NLGN2: variants seen among roughly 807,000 people sequenced by gnomAD.
NLGN2 encodes neuroligin-2.
A neutral mutation model predicts 48.6 loss-of-function variants in NLGN2; 11 were observed. That is an observed-to-expected ratio of 0.23 (90% CI 0.14 to 0.37). NLGN2 has a LOEUF of 0.37. Among genes scored for constraint, NLGN2 ranks in the 10% least tolerant of loss-of-function variants. The probability of loss-of-function intolerance (pLI) is 1.00; values close to 1 mark genes in which losing one functional copy is unlikely to be tolerated. For synonymous variants in NLGN2, 548 were observed against 550.0 expected, an observed-to-expected ratio of 1.00 and a Z score of 0.05; for missense variants, 801 against 1,225.2, an observed-to-expected ratio of 0.65 and a Z score of 5.17.
At position 7,417,368 on chromosome 17, in the gene NLGN2, G is replaced by A; in HGVS notation, c.2077G>A (p.Ala693Thr). 6.2e-7 allele frequency: 1 copy of A among 1,611,274 alleles called. No homozygotes were observed. Among genetic ancestry groups the A allele is most frequent in the Non-Finnish European group, 8.5e-7 (1 of 1,179,102 alleles). ...CTCCCTCCTCTTCCTCAACATCCTGGCCTTTGCTGCCCTCTACTACAAGCG... is the reference window on the plus strand; with the variant it reads ...CTCCCTCCTCTTCCTCAACATCCTGACCTTTGCTGCCCTCTACTACAAGCG... ...GASLLFLNIL[A>T]FAALYYKRDR... The change falls in exon 7 of 7, where the codon GCC becomes ACC. Residue 693 changes from alanine to threonine, a missense_variant. By Grantham distance (58) the Ala-to-Thr change is moderately conservative (BLOSUM62 0). Around this residue, in one of 5 missense-constraint regions of NLGN2, gnomAD observed 276 missense variants for 313.9 expected, o/e 0.88. Coordinates refer to ENST00000302926, the MANE Select transcript of NLGN2 (RefSeq NM_020795.4).
Position 7,413,090 on chromosome 17 carries a change from A to C in NLGN2, c.508+883A>C, listed in dbSNP as rs965718624. On this transcript the variant is annotated intron_variant, in intron 2 of 6. Transcript: ENST00000302926. The surrounding 1 kb of genome is among the most constrained non-coding windows in gnomAD (Gnocchi z 4.9). Reference sequence around the variant, plus strand: ...TGGAGGGAAGGAGATTCCGGCCTGAAAGTGCTGGGAGGTCACTTGAGGTTC... The same window carrying C: ...TGGAGGGAAGGAGATTCCGGCCTGACAGTGCTGGGAGGTCACTTGAGGTTC... 4.0e-4 allele frequency among the ~76,000 whole-genome samples: 61 copies of C among 152,176 alleles called. No individual in the cohort carries two copies. Among genetic ancestry groups the C allele is most frequent in the Non-Finnish European group, 1.0e-4 (7 of 68,022 alleles).
rs796140790 is a variant in NLGN2 at position 7,413,225 on chromosome 17, G to A, written c.508+1018G>A. The stretch of plus-strand genomic sequence containing the variant: ...ATGGGGGCTGCACAGGGGGTCTTAG[G>A]GATGGGAGGCAGGAAGCTGTCTGTG... On this transcript the variant is annotated intron_variant, in intron 2 of 6. Transcript: ENST00000302926. The surrounding 1 kb of genome is among the most constrained non-coding windows in gnomAD (Gnocchi z 4.9). 6.6e-6 allele frequency among the ~76,000 whole-genome samples: 1 copy of A among 152,342 alleles called. No individual in the cohort carries two copies. Among genetic ancestry groups the A allele is most frequent in the African/African-American group, 2.4e-5 (1 of 41,588 alleles).
upstream of NLGN2, among the ~76,000 whole-genome samples, chr17:7,405,918 G>A (rs1038310663): frequency 2.0e-5 from 3 of 152,240 alleles, no homozygotes. The surrounding 1 kb of genome is among the most constrained non-coding windows in gnomAD (Gnocchi z 6.8). Flanking sequence ...CTGAGCCCCC[G>A]TCCCTCAACT....
At position 7,408,575 on chromosome 17, in the gene NLGN2, C is replaced by T; in HGVS notation, c.320C>T (p.Pro107Leu). The change falls in exon 1 of 7, where the codon CCG (proline) becomes CTG (leucine). Residue 107 changes from proline to leucine, a missense_variant. This residue lies in a region of NLGN2 where 164 missense variants were observed against 186.2 expected (regional missense o/e 0.88). Coordinates refer to ENST00000302926, the MANE Select transcript of NLGN2 (RefSeq NM_020795.4). This position sits in a 1 kb window ranked among gnomAD's most constrained non-coding sequence, Gnocchi z 7.5. ...RNATTLPPAC[P>L]QNLHGALPAI... is the part of the protein sequence containing the mutation. ...GCCACCACCCTGCCGCCCGCCTGCCCGCAGAACCTGCACGGGGCGCTGCCC... is the reference window on the plus strand; with the variant it reads ...GCCACCACCCTGCCGCCCGCCTGCCTGCAGAACCTGCACGGGGCGCTGCCC... 1 of 1,560,592 alleles carries T rather than the reference C, an allele frequency of 6.4e-7. No individual in the cohort carries two copies. Among genetic ancestry groups the T allele is most frequent in the Admixed American group, 1.9e-5 (1 of 52,178 alleles).
upstream of NLGN2, among the ~76,000 whole-genome samples, chr17:7,405,832 C>A (rs1906612698): frequency 6.6e-6 from 1 of 151,980 alleles, no homozygotes; most frequent in African/African-American, 2.4e-5. The surrounding 1 kb of genome is among the most constrained non-coding windows in gnomAD (Gnocchi z 6.8). Context: ...CCGTGTGTTC[C>A]CATCTCCCCC....
chr17:7,412,889 GTT>G (rs1285942050), intron 2 of NLGN2, among the ~76,000 whole-genome samples: 1 of 114,504 alleles, frequency 8.7e-6, no homozygotes, highest in Non-Finnish European at 2.0e-5. Context: ...CTTTTTGGTT[GTT>G]TTTTTCTTTC....
intron 1 of NLGN2, among the ~76,000 whole-genome samples, chr17:7,410,866 T>C (rs1478255910): frequency 6.6e-6 from 1 of 152,228 alleles, no homozygotes; most frequent in Non-Finnish European, 1.5e-5. Flanking sequence ...CACACGTGCC[T>C]TGCTCACTTT....
At chr17:7,410,864 C>A (rs535027034) in intron 1 of NLGN2, among the ~76,000 whole-genome samples, 3 of 152,374 alleles carry the variant, frequency 2.0e-5, no homozygotes, top group African/African-American at 4.8e-5. Context: ...TGCACACGTG[C>A]CTTGCTCACT....
chr17:7,406,982 G>C (rs1597705612), upstream of NLGN2, among the ~76,000 whole-genome samples: 1 of 152,132 alleles, frequency 6.6e-6, no homozygotes, highest in Admixed American at 6.5e-5. Flanking sequence ...CCAGAGGCCT[G>C]GTCACTAAGG....
At position 7,408,498 on chromosome 17, in the gene NLGN2, C is replaced by T; in HGVS notation, c.243C>T (p.Ala81=). 1 of 1,518,448 alleles carries T rather than the reference C, an allele frequency of 6.6e-7. No homozygotes were observed. The highest frequency in any genetic ancestry group is 1.2e-5 in the South Asian group (1 of 80,846). The allele number at this position is 1,518,448 out of a possible 1,614,324, so 94.1% of individuals were successfully genotyped here. Reference sequence around the variant, plus strand: ...CCTACGCCACGCCGCCCCTGGGCGCCCGCCGCTTCCAGCCGCCTGAGGCGC... The same window carrying T: ...CCTACGCCACGCCGCCCCTGGGCGCTCGCCGCTTCCAGCCGCCTGAGGCGC... ...GVPYATPPLG[A]RRFQPPEAPA... The change falls in exon 1 of 7, where the codon GCC becomes GCT. Residue 81 remains alanine (A), a synonymous_variant. Transcript: ENST00000302926. This position sits in a 1 kb window ranked among gnomAD's most constrained non-coding sequence, Gnocchi z 7.5.
upstream of NLGN2, among the ~76,000 whole-genome samples, chr17:7,406,877 G>C: frequency 6.6e-6 from 1 of 152,124 alleles, no homozygotes; most frequent in East Asian, 1.9e-4. Context: ...TGAAAAGGTG[G>C]TGGGGTCCAA....
In NLGN2 at chr17:7,417,638, T is replaced by C; in HGVS notation, c.2347T>C (p.Leu783=). 1 of 1,409,574 alleles carries C rather than the reference T, an allele frequency of 7.1e-7. No individual in the cohort carries two copies. The highest frequency in any genetic ancestry group is 9.2e-7 in the Non-Finnish European group (1 of 1,091,414). The allele number at this position is 1,409,574 out of a possible 1,614,324, so 87.3% of individuals were successfully genotyped here. The stretch of plus-strand genomic sequence containing the variant: ...CCGGGCACCGGACGATGTGCCTCTC[T>C]TGGCCCCCGGGGCCCTGACCCTGCT... The part of the protein sequence containing the change: ...LRRAPDDVPL[L]APGALTLLPS... The change falls in exon 7 of 7, where the codon TTG becomes CTG. Residue 783 remains leucine (L), a synonymous_variant. Coordinates refer to ENST00000302926, the MANE Select transcript of NLGN2 (RefSeq NM_020795.4).
In NLGN2 at chr17:7,417,739, T is replaced by G. The variant is rs778714117; in HGVS notation, c.2448T>G (p.Pro816=). Residue 816 remains proline (P), a synonymous_variant, in exon 7 of 7, where the codon CCT becomes CCG. Transcript: ENST00000302926. ...LHPFGPFPPP[P]PTATSHNNTL... Reference sequence around the variant, plus strand: ...CCTTCGGGCCCTTCCCCCCGCCCCCTCCCACCGCCACCAGCCACAACAACA... The same window carrying G: ...CCTTCGGGCCCTTCCCCCCGCCCCCGCCCACCGCCACCAGCCACAACAACA... The G allele has an allele frequency of 6.6e-6, 5 of 756,478 alleles. No individual in the cohort carries two copies. Among genetic ancestry groups the G allele is most frequent in the Non-Finnish European group, 8.0e-6 (5 of 623,688 alleles). 46.9% of individuals were successfully genotyped at this position (756,478 alleles called of 1,614,324 possible).
At chr17:7,406,492 AG>A (rs1435845100), upstream of NLGN2, among the ~76,000 whole-genome samples, 1 of 152,144 alleles carries the variant, frequency 6.6e-6, no homozygotes, top group African/African-American at 2.4e-5. Flanking sequence ...GAGGAGCCTT[AG>A]AGAAGCTGAA....
rs1258844514 is a variant in NLGN2, at chr17:7,407,930, G to A, written c.-326G>A. On this transcript the variant is annotated 5_prime_UTR_variant, in exon 1 of 7. Transcript: ENST00000302926. Reference sequence around the variant, plus strand: ...CTGTCTGCCCCATCCAATTTCCCTTGCCCTCTTCCACCTCTGTATTTTTCT... The same window carrying A: ...CTGTCTGCCCCATCCAATTTCCCTTACCCTCTTCCACCTCTGTATTTTTCT... 4.7e-6 allele frequency: 1 copy of A among 211,656 alleles called. No homozygotes were observed. Among genetic ancestry groups the A allele is most frequent in the East Asian group, 9.9e-5 (1 of 10,134 alleles). 13.1% of individuals were successfully genotyped at this position (211,656 alleles called of 1,614,324 possible). A position where few individuals can be genotyped will look rare whatever the true frequency, so the allele number is the denominator to read the frequency against.
rs1223826819 is a variant in NLGN2 at position 7,408,356 on chromosome 17, G to A, written c.101G>A (p.Gly34Asp). The A allele has an allele frequency of 6.7e-7, 1 of 1,486,814 alleles. No individual in the cohort carries two copies. The highest frequency in any genetic ancestry group is 8.9e-7 in the Non-Finnish European group (1 of 1,121,852). 92.1% of individuals were successfully genotyped at this position (1,486,814 alleles called of 1,614,324 possible). Residue 34 changes from glycine to aspartate, a missense_variant, in exon 1 of 7, where the codon GGC (glycine) becomes GAC (aspartate). Physicochemically the swap from Gly to Asp is moderately conservative, Grantham distance 94. Coordinates refer to ENST00000302926, the MANE Select transcript of NLGN2 (RefSeq NM_020795.4). The surrounding 1 kb of genome is among the most constrained non-coding windows in gnomAD (Gnocchi z 7.5). ...CCGGGCGGCCCCGGCCTGGGCCTCG[G>A]CAGCCTCGGCGAGGAGCGCTTCCCG... ...GAPGGPGLGL[G>D]SLGEERFPVV...
Position 7,417,145 on chromosome 17 carries a change from C to A in NLGN2, c.1854C>A (p.Thr618=). 1 of 1,607,584 alleles carries A rather than the reference C, an allele frequency of 6.2e-7. No homozygotes were observed. Among genetic ancestry groups the A allele is most frequent in the Non-Finnish European group, 8.5e-7 (1 of 1,178,958 alleles). Residue 618 remains threonine (T), a synonymous_variant, in exon 7 of 7, where the codon ACC becomes ACA. Coordinates refer to ENST00000302926, the MANE Select transcript of NLGN2 (RefSeq NM_020795.4). ...ACCTGCACACGGAGCTCTTCACCAC[C>A]ACCACGCGCCTGCCTCCCTACGCCA... is the stretch of plus-strand genomic sequence containing the variant. ...LHNLHTELFT[T]TTRLPPYATR...
In NLGN2 at chr17:7,417,608, C is replaced by G; in HGVS notation, c.2317C>G (p.Leu773Val). The change falls in exon 7 of 7, where the codon CTG becomes GTG. Residue 773 changes from leucine (L) to valine (V), a missense_variant. Leu to Val is a conservative substitution (Grantham distance 32). Around this residue, in one of 5 missense-constraint regions of NLGN2, gnomAD observed 276 missense variants for 313.9 expected, o/e 0.88. Transcript: ENST00000302926. ...CTGCCCGCCCGACTACACCCTGGCC[C>G]TGCGCCGGGCACCGGACGATGTGCC... ...PACPPDYTLALRRAPDDVPLL... is the reference protein window; with the variant it reads ...PACPPDYTLAVRRAPDDVPLL... The G allele has an allele frequency of 7.0e-7, 1 of 1,421,798 alleles. No homozygotes were observed. Among genetic ancestry groups the G allele is most frequent in the Non-Finnish European group, 9.1e-7 (1 of 1,097,188 alleles). The allele number at this position is 1,421,798 out of a possible 1,614,324, so 88.1% of individuals were successfully genotyped here.
rs750813559 is a variant in NLGN2, at chr17:7,415,611, A to T, written c.1138A>T (p.Ile380Phe). 1 of 1,613,384 alleles carries T rather than the reference A, an allele frequency of 6.2e-7. No individual in the cohort carries two copies. Among genetic ancestry groups the T allele is most frequent in the Non-Finnish European group, 8.5e-7 (1 of 1,179,298 alleles). ...QGEFLNYDML[I>F]GVNQGEGLKF... ...AGAATTCCTCAACTACGACATGCTC[A>T]TCGGCGTCAACCAGGGAGAGGGCCT... The change falls in exon 6 of 7, where the codon ATC becomes TTC. Residue 380 changes from isoleucine to phenylalanine, a missense_variant. By Grantham distance (21) the Ile-to-Phe change is conservative. Coordinates refer to ENST00000302926, the MANE Select transcript of NLGN2 (RefSeq NM_020795.4).
Sources: allele counts gnomAD v4.1 joint callset (sites outside exome capture counted in the v4.1 genomes callset), GRCh38; gene constraint gnomAD v4.1.1; regional missense constraint gnomAD v4.1.1; non-coding constraint Gnocchi (gnomAD v3.1); transcripts MANE v1.5; gene names NCBI Gene and HGNC (gene_info 2026-07-23, HGNC 2026-07-21).